The following CCDC13 variants were observed in gnomAD, a reference collection of about 807,000 sequenced individuals.
The protein encoded by CCDC13 is coiled-coil domain containing 13.
A neutral mutation model predicts 87.3 loss-of-function variants in CCDC13; 70 were observed. The observed-to-expected ratio is 0.80, with a 90% CI of 0.66 to 0.98. The LOEUF (loss-of-function observed/expected upper bound fraction) is 0.98. CCDC13 is among the 50% of genes least tolerant of loss of function. The pLI is 0.00. For missense variants in CCDC13, 842 were observed against 892.0 expected (o/e 0.94, Z 0.71); for synonymous variants, 317 against 360.3 (o/e 0.88, Z 1.36).
chr3:42,736,218 A>T (rs1288381588), intron 9 of CCDC13, among the ~76,000 whole-genome samples: 2 of 152,170 alleles, frequency 1.3e-5, no homozygotes, highest in Non-Finnish European at 2.9e-5. Context: ...TGGGGGAGAT[A>T]TTTAGCTAAA....
At chr3:42,763,310 T>G (rs979019076) in intron 1 of CCDC13, among the ~76,000 whole-genome samples, 6 of 152,158 alleles carry the variant, frequency 3.9e-5, no homozygotes, top group Non-Finnish European at 5.9e-5. Context: ...TAGGCTGAAC[T>G]TAGAATATAT....
At chr3:42,759,881 T>C (rs935261491) in intron 1 of CCDC13, among the ~76,000 whole-genome samples, 1 of 152,214 alleles carries the variant, frequency 6.6e-6, no homozygotes, top group African/African-American at 2.4e-5. Flanking sequence ...GCTAAACTGT[T>C]TGCCAGAGTG....
At chr3:42,753,416 T>C (rs535186818) in intron 3 of CCDC13, among the ~76,000 whole-genome samples, 18 of 152,350 alleles carry the variant, frequency 1.2e-4, no homozygotes, top group Admixed American at 5.2e-4. Context: ...GCCTACCCAA[T>C]AGAAAGGCAT....
Position 42,743,036 on chromosome 3 carries a change from A to G in CCDC13, c.847T>C (p.Leu283=), listed in dbSNP as rs777301338. The G allele has an allele frequency of 2.4e-5, 39 of 1,613,918 alleles. No individual in the cohort carries two copies. Among genetic ancestry groups the G allele is most frequent in the Non-Finnish European group, 3.1e-5 (36 of 1,179,980 alleles). ...QSKVQELEKQ[L]GQARSQSAGT... The stretch of plus-strand genomic sequence containing the variant: ...GCAGACTGGCTCCGGGCCTGGCCCA[A>G]TTGCTTCTCAAGCTCTTGAACCTGA... The change falls in exon 8 of 16, where the codon TTG becomes CTG. Residue 283 remains leucine, a synonymous_variant. Transcript: ENST00000310232.
chr3:42,762,903 C>T (rs375886077), intron 1 of CCDC13, among the ~76,000 whole-genome samples: 1 of 152,060 alleles, frequency 6.6e-6, no homozygotes, highest in East Asian at 1.9e-4. Context: ...GAGCTGTGAT[C>T]GCGCCACTGC....
At chr3:42,722,140 A>G (rs1698578367) in intron 13 of CCDC13, among the ~76,000 whole-genome samples, 1 of 152,184 alleles carries the variant, frequency 6.6e-6, no homozygotes, top group Non-Finnish European at 1.5e-5. Flanking sequence ...ACACTTATTA[A>G]TCTTCCAGAT....
At chr3:42,766,348 G>GAGGAGGTGGGAGAGAGGGA (rs1334560320) in intron 1 of CCDC13, among the ~76,000 whole-genome samples, 1 of 141,260 alleles carries the variant, frequency 7.1e-6, no homozygotes, top group Admixed American at 6.9e-5. Flanking sequence ...GGTGTAGAGT[G>GAGGAGGTGGGAGAGAGGGA]AGGAGGTGGG....
downstream of CCDC13, chr3:42,704,289 G>A (rs1698115366): frequency 6.6e-6 from 1 of 152,236 alleles, no homozygotes; most frequent in South Asian, 2.1e-4. Flanking sequence ...ACCCACACTG[G>A]GGCCCTCACG....
At chr3:42,723,945 T>C (rs1270238554) in intron 13 of CCDC13, among the ~76,000 whole-genome samples, 2 of 152,150 alleles carry the variant, frequency 1.3e-5, no homozygotes, top group African/African-American at 4.8e-5. Context: ...TATGATCTAA[T>C]TAAAAAATTT....
rs1559660302 is a variant in CCDC13 at position 42,757,220 on chromosome 3, A to G, written c.222-6T>C. 6.2e-7 allele frequency: 1 copy of G among 1,612,040 alleles called. No homozygotes were observed. The highest frequency in any genetic ancestry group is 1.3e-5 in the African/African-American group (1 of 74,916). On this transcript the variant is annotated splice_polypyrimidine_tract_variant and splice_region_variant and intron_variant, in intron 2 of 15. Coordinates refer to ENST00000310232, the MANE Select transcript of CCDC13 (RefSeq NM_144719.4). ...CAATCTCATCTTCAAGCACCCTACAAGGCAAAGGCAGAATTAATGCTCCTC... is the reference window on the plus strand; with the variant it reads ...CAATCTCATCTTCAAGCACCCTACAGGGCAAAGGCAGAATTAATGCTCCTC...
rs1329861948 is a variant in CCDC13 at position 42,708,023 on chromosome 3, C to T, written c.*957G>A. On this transcript the variant is annotated 3_prime_UTR_variant, in exon 16 of 16. Coordinates refer to ENST00000310232, the MANE Select transcript of CCDC13 (RefSeq NM_144719.4). ...AGTTCACCATGGCGAGGGAGGTGCA[C>T]TGTACCTTTGACTGGAGCCACTACC... 6.6e-6 allele frequency among the ~76,000 whole-genome samples: 1 copy of T among 152,168 alleles called. No homozygotes were observed. Among genetic ancestry groups the T allele is most frequent in the Non-Finnish European group, 1.5e-5 (1 of 68,016 alleles).
chr3:42,765,504 C>T (rs1699910421), intron 1 of CCDC13, among the ~76,000 whole-genome samples: 3 of 152,226 alleles, frequency 2.0e-5, no homozygotes, highest in Admixed American at 1.3e-4. Flanking sequence ...CTCCTGGGTT[C>T]AAGCGATTCT....
chr3:42,711,324 G>A (rs1047214065), intron 14 of CCDC13, among the ~76,000 whole-genome samples: 2 of 151,594 alleles, frequency 1.3e-5, no homozygotes, highest in South Asian at 2.1e-4. Flanking sequence ...AGAAAACCTC[G>A]GGACTGAAAA....
At chr3:42,711,668 G>A (rs1278610497) in intron 14 of CCDC13, among the ~76,000 whole-genome samples, 1 of 152,214 alleles carries the variant, frequency 6.6e-6, no homozygotes, top group Non-Finnish European at 1.5e-5. Context: ...CTGCTCAGAT[G>A]TCTAGCTCCC....
intron 1 of CCDC13, chr3:42,770,604 A>G (rs1221210746): frequency 6.6e-6 from 1 of 152,278 alleles, no homozygotes; most frequent in African/African-American, 2.4e-5. Context: ...AGCAGTGGCA[A>G]CCTGCTGAGG....
At chr3:42,729,897 G>A (rs985942601) in intron 13 of CCDC13, among the ~76,000 whole-genome samples, 2 of 152,176 alleles carry the variant, frequency 1.3e-5, no homozygotes, top group Non-Finnish European at 2.9e-5. Flanking sequence ...GCCATGTGTT[G>A]GCCTGGACAC....
chr3:42,740,604 A>T (rs1699182732), intron 8 of CCDC13, among the ~76,000 whole-genome samples: 1 of 152,252 alleles, frequency 6.6e-6, no homozygotes, highest in South Asian at 2.1e-4. Flanking sequence ...AAACAGGAAT[A>T]GCGAGAAGGA....
In CCDC13 at chr3:42,713,202, C is replaced by A; in HGVS notation, c.1833G>T (p.Lys611Asn). The A allele has an allele frequency of 6.2e-7, 1 of 1,614,218 alleles. No homozygotes were observed. The highest frequency in any genetic ancestry group is 1.1e-5 in the South Asian group (1 of 91,080). ...HLEKIRLEPG[K>N]ASASQRAAPR... ...GAGCTGCTCTCTGGGAGGCTGATGC[C>A]TTCCCTGGCTCCAGGCGTATCTTCT... The change falls in exon 14 of 16, where the codon AAG becomes AAT. Residue 611 changes from lysine to asparagine, a missense_variant. Lys to Asn is a moderately conservative substitution (Grantham distance 94). Transcript: ENST00000310232.
At chr3:42,765,654 GCTGT>G (rs1699914422) in intron 1 of CCDC13, among the ~76,000 whole-genome samples, 1 of 152,208 alleles carries the variant, frequency 6.6e-6, no homozygotes. Context: ...ACTCTGAGAG[GCTGT>G]CTGGGGAGAG....
Sources: gnomAD v4.1 joint callset for allele counts (sites outside exome capture counted in the v4.1 genomes callset) on GRCh38, gnomAD v4.1.1 for gene constraint, MANE v1.5 for transcripts, NCBI Gene and HGNC (gene_info 2026-07-23, HGNC 2026-07-21) for gene names.